MAF: variants seen among roughly 807,000 people sequenced by gnomAD.
The protein encoded by MAF is transcription factor Maf.
In MAF, 10 loss-of-function variants were observed where a neutral mutation model predicts 22.0. That is an observed-to-expected ratio of 0.45 (90% CI 0.28 to 0.77). The LOEUF (loss-of-function observed/expected upper bound fraction) is 0.77, where lower values mean the gene tolerates loss of function less well. Among genes scored for constraint, MAF ranks in the 30% least tolerant of loss-of-function variants. The probability of loss-of-function intolerance (pLI) is 0.12; values close to 1 mark genes in which losing one functional copy is unlikely to be tolerated. For missense variants in MAF, 544 were observed against 548.4 expected (o/e 0.99, Z 0.08); for synonymous variants, 337 against 255.8 (o/e 1.32, Z -3.03).
chr16:79,315,175 G>A, the MAF span, among the ~76,000 whole-genome samples: 2 of 152,272 alleles, frequency 1.3e-5, no homozygotes, highest in South Asian at 4.1e-4. Context: ...ACATAGGAGT[G>A]AGCAAATATC....
intron 1 of MAF, among the ~76,000 whole-genome samples, chr16:79,586,525 C>T (rs944867859): frequency 5.9e-5 from 9 of 152,132 alleles, no homozygotes; most frequent in Non-Finnish European, 1.2e-4. Context: ...TAACTTCTGC[C>T]CTGTTTAAAT....
In MAF at chr16:79,588,106, G is replaced by A. The variant is rs143878279; in HGVS notation, c.1119-2165C>T. On this transcript the variant is annotated intron_variant, in intron 1 of 1. Transcript: ENST00000569649. The stretch of plus-strand genomic sequence containing the variant: ...GATCTGTTTACCTAACAATTGAAGA[G>A]TTCTTTAAATAGTACAGGAGCATGC... Among the ~76,000 whole-genome samples, 20 of 152,324 alleles carry A rather than the reference G, an allele frequency of 1.3e-4. No homozygotes were observed. The East Asian group carries it at 3.9e-3, about 29-fold the overall frequency.
At chr16:79,318,689 C>T in the MAF span, among the ~76,000 whole-genome samples, 472 of 152,286 alleles carry the variant, frequency 3.1e-3, 4 homozygotes, top group African/African-American at 0.011. Flanking sequence ...AAATCATCTG[C>T]ATGACACATC....
chr16:79,497,904 C>A, the MAF span, among the ~76,000 whole-genome samples: 1 of 152,206 alleles, frequency 6.6e-6, no homozygotes, highest in Admixed American at 6.5e-5. Flanking sequence ...TCATGTATTT[C>A]ACCAGTCTTC....
chr16:79,560,785 T>C, the MAF span, among the ~76,000 whole-genome samples: 1 of 152,204 alleles, frequency 6.6e-6, no homozygotes, highest in Non-Finnish European at 1.5e-5. Context: ...ATTCACGTTT[T>C]CATAATCCCT....
At chr16:79,260,172 A>T in the MAF span, among the ~76,000 whole-genome samples, 1 of 152,190 alleles carries the variant, frequency 6.6e-6, no homozygotes, top group Non-Finnish European at 1.5e-5. Flanking sequence ...TTATTTTGAG[A>T]CAGGGTCTCA....
chr16:79,476,833 C>T, the MAF span, among the ~76,000 whole-genome samples: 2 of 152,152 alleles, frequency 1.3e-5, no homozygotes, highest in Non-Finnish European at 2.9e-5. Flanking sequence ...CATCTCTGTG[C>T]CTTGGTGTCT....
the MAF span, among the ~76,000 whole-genome samples, chr16:79,551,777 T>C: frequency 6.6e-6 from 1 of 152,204 alleles, no homozygotes; most frequent in African/African-American, 2.4e-5. Flanking sequence ...TGCCCATTCA[T>C]TTATCTATCA....
chr16:79,326,173 TTGA>T, the MAF span, among the ~76,000 whole-genome samples: 1 of 152,244 alleles, frequency 6.6e-6, no homozygotes, highest in Non-Finnish European at 1.5e-5. Context: ...GAAGATTTTC[TTGA>T]TGATATTATG....
chr16:79,425,882 A>G, the MAF span, among the ~76,000 whole-genome samples: 1 of 152,190 alleles, frequency 6.6e-6, no homozygotes, highest in Non-Finnish European at 1.5e-5. Context: ...CACAAATTTC[A>G]TAACTACAGC....
At chr16:79,444,115 T>C in the MAF span, among the ~76,000 whole-genome samples, 1 of 152,066 alleles carries the variant, frequency 6.6e-6, no homozygotes, top group East Asian at 1.9e-4. Flanking sequence ...AAAATCATGA[T>C]AGAATATTAA....
the MAF span, among the ~76,000 whole-genome samples, chr16:79,217,107 G>A: frequency 6.6e-6 from 1 of 152,332 alleles, no homozygotes; most frequent in Non-Finnish European, 1.5e-5. Context: ...ATCGCACCCG[G>A]TGTCATCTGC....
the MAF span, among the ~76,000 whole-genome samples, chr16:79,548,812 C>A: frequency 6.6e-6 from 1 of 152,134 alleles, no homozygotes; most frequent in East Asian, 1.9e-4. Context: ...GAGAGAGTGG[C>A]AGACACACCA....
At chr16:79,383,778 C>A in the MAF span, among the ~76,000 whole-genome samples, 1 of 152,102 alleles carries the variant, frequency 6.6e-6, no homozygotes, top group African/African-American at 2.4e-5. Context: ...GCTCATTAAA[C>A]CTGCAGTTGG....
At chr16:79,359,329 G>A in the MAF span, among the ~76,000 whole-genome samples, 2 of 152,150 alleles carry the variant, frequency 1.3e-5, no homozygotes, top group African/African-American at 2.4e-5. Context: ...TTACAGAGGC[G>A]TTTGCTAATA....
chr16:79,247,023 G>A, the MAF span, among the ~76,000 whole-genome samples: 4 of 152,212 alleles, frequency 2.6e-5, no homozygotes, highest in African/African-American at 4.8e-5. Context: ...TCAGCTAGTG[G>A]TAAGTGCTAT....
At chr16:79,546,151 T>C in the MAF span, among the ~76,000 whole-genome samples, 1 of 152,168 alleles carries the variant, frequency 6.6e-6, no homozygotes, top group African/African-American at 2.4e-5. Context: ...TGGGATGAAC[T>C]TTAAAACTTG....
the MAF span, among the ~76,000 whole-genome samples, chr16:79,523,426 C>T: frequency 4.6e-5 from 7 of 152,204 alleles, no homozygotes; most frequent in Non-Finnish European, 1.0e-4. Context: ...ATAACTTTCA[C>T]ACATGTTACT....
the MAF span, among the ~76,000 whole-genome samples, chr16:79,394,312 A>G: frequency 7.9e-5 from 12 of 152,148 alleles, no homozygotes; most frequent in South Asian, 4.1e-4. Context: ...GGAGTCAGGA[A>G]TATAGAAATC....
Sources: allele counts gnomAD v4.1 joint callset (sites outside exome capture counted in the v4.1 genomes callset), GRCh38; gene constraint gnomAD v4.1.1; transcripts MANE v1.5; gene names NCBI Gene and HGNC (gene_info 2026-07-23, HGNC 2026-07-21).